Variants in SYT1 observed in about 807,000 individuals in gnomAD.
SYT1 encodes synaptotagmin-1.
A neutral mutation model predicts 44.8 loss-of-function variants in SYT1; 8 were observed. The observed-to-expected ratio is 0.18, with a 90% CI of 0.10 to 0.32. The LOEUF (loss-of-function observed/expected upper bound fraction) is 0.32. Ranked by LOEUF, SYT1 falls within the 10% of genes least tolerant of loss-of-function variation. SYT1 has a pLI of 1.00. For missense variants in SYT1, 286 were observed against 509.3 expected, an observed-to-expected ratio of 0.56 and a Z score of 4.22; for synonymous variants, 154 against 188.8, an observed-to-expected ratio of 0.82 and a Z score of 1.51.
rs113214723 is a variant in SYT1, at chr12:79,436,020, C to T, written c.929-8053C>T. 6.9e-3 allele frequency among the ~76,000 whole-genome samples: 1,053 copies of T among 152,248 alleles called. 9 individuals are homozygous for T. Among genetic ancestry groups the T allele is most frequent in the African/African-American group, 0.016 (678 of 41,546 alleles). Reference sequence around the variant, plus strand: ...CATGTGGACACACTGAGTCATAAGACAGTCTGGGAGAAATATTTCTAGCTG... The same window carrying T: ...CATGTGGACACACTGAGTCATAAGATAGTCTGGGAGAAATATTTCTAGCTG... On this transcript the variant is annotated intron_variant, in intron 9 of 10. Transcript: ENST00000261205.
chr12:79,045,703 C>G (rs1293719304), intron 2 of SYT1: 1 of 152,088 alleles, frequency 6.6e-6, no homozygotes, highest in Non-Finnish European at 1.5e-5. Context: ...ACAAGTTTGC[C>G]CATTCATCCT....
At chr12:79,098,297 T>TAA (rs1878263006) in intron 3 of SYT1, among the ~76,000 whole-genome samples, 1 of 152,064 alleles carries the variant, frequency 6.6e-6, no homozygotes, top group Non-Finnish European at 1.5e-5. Flanking sequence ...TGGCCCCTAA[T>TAA]AATTCTAAGT....
chr12:79,366,097 C>T (rs1485629546), intron 9 of SYT1, among the ~76,000 whole-genome samples: 1 of 152,122 alleles, frequency 6.6e-6, no homozygotes, highest in Non-Finnish European at 1.5e-5. Context: ...GTTGCCAATT[C>T]GTGTATCTAG....
chr12:78,976,576 A>G (rs903421416), intron 1 of SYT1: 1 of 152,206 alleles, frequency 6.6e-6, no homozygotes, highest in Non-Finnish European at 1.5e-5. Flanking sequence ...GCTGTATGGT[A>G]TTATGTATTC....
chr12:79,316,001 C>T (rs9669747), intron 8 of SYT1, among the ~76,000 whole-genome samples: 1,606 of 152,312 alleles, frequency 0.011, 31 homozygotes, highest in African/African-American at 0.036. Flanking sequence ...AGACCTTTTT[C>T]CTACTAACAT....
chr12:78,977,198 T>C (rs1228336247), intron 1 of SYT1, among the ~76,000 whole-genome samples: 1 of 152,182 alleles, frequency 6.6e-6, no homozygotes, highest in Non-Finnish European at 1.5e-5. Context: ...AGAGCTTCCC[T>C]ACCACCCAGA....
intron 2 of SYT1, among the ~76,000 whole-genome samples, chr12:79,026,506 C>T (rs1441592038): frequency 6.6e-6 from 1 of 150,620 alleles, no homozygotes; most frequent in Non-Finnish European, 1.5e-5. Context: ...AAATAAAACA[C>T]TATGCTTTTA....
At chr12:78,915,426 C>T (rs1021779214) in intron 1 of SYT1, among the ~76,000 whole-genome samples, 1 of 151,670 alleles carries the variant, frequency 6.6e-6, no homozygotes, top group African/African-American at 2.4e-5. Flanking sequence ...CTGATAGACT[C>T]GAAGGAGGGT....
At chr12:79,013,307 T>C (rs1442330276) in intron 2 of SYT1, among the ~76,000 whole-genome samples, 1 of 152,116 alleles carries the variant, frequency 6.6e-6, no homozygotes, top group Non-Finnish European at 1.5e-5. Context: ...AAGAAGTGAA[T>C]GAGGGTTTAA....
At chr12:79,236,591 G>T (rs1346042285) in intron 4 of SYT1, among the ~76,000 whole-genome samples, 1 of 152,114 alleles carries the variant, frequency 6.6e-6, no homozygotes, top group Non-Finnish European at 1.5e-5. Context: ...CCACCAAGTG[G>T]TATTACTATA....
chr12:79,272,285 T>C (rs1012786751), intron 4 of SYT1, among the ~76,000 whole-genome samples: 15 of 152,164 alleles, frequency 9.9e-5, no homozygotes, highest in African/African-American at 3.6e-4. Context: ...CTTTGAACAC[T>C]GTGCACAAAA....
At chr12:78,903,531 C>T (rs1051973137) in intron 1 of SYT1, among the ~76,000 whole-genome samples, 10 of 151,908 alleles carry the variant, frequency 6.6e-5, no homozygotes, top group Non-Finnish European at 8.8e-5. Flanking sequence ...GTGATCTGCC[C>T]GCCTCGGCCT....
intron 3 of SYT1, among the ~76,000 whole-genome samples, chr12:79,074,607 A>G (rs755888169): frequency 6.6e-6 from 1 of 152,110 alleles, no homozygotes; most frequent in Non-Finnish European, 1.5e-5. Flanking sequence ...ATCATCCTTC[A>G]TTCTTGAGTT....
intron 9 of SYT1, among the ~76,000 whole-genome samples, chr12:79,360,705 A>G (rs983514748): frequency 3.3e-5 from 5 of 152,214 alleles, no homozygotes; most frequent in African/African-American, 1.2e-4. Context: ...GCTTCATCAT[A>G]ATTTTAGGCA....
intron 9 of SYT1, among the ~76,000 whole-genome samples, chr12:79,385,178 G>T (rs541627866): frequency 1.9e-3 from 286 of 151,790 alleles, no homozygotes; most frequent in African/African-American, 6.5e-3. Flanking sequence ...GTAGAGACAG[G>T]GTTTCACCAT....
chr12:79,240,270 G>T (rs1876425779), intron 4 of SYT1, among the ~76,000 whole-genome samples: 2 of 152,162 alleles, frequency 1.3e-5, no homozygotes, highest in South Asian at 4.1e-4. Context: ...TCTAAATAGT[G>T]TCAATTGGCA....
intron 1 of SYT1, among the ~76,000 whole-genome samples, chr12:78,898,309 T>A (rs1379832976): frequency 6.6e-6 from 1 of 152,078 alleles, no homozygotes; most frequent in African/African-American, 2.4e-5. Context: ...CTTGTTGTTA[T>A]CTTAGATAGG....
At chr12:79,214,042 T>C (rs1234771136) in intron 3 of SYT1, among the ~76,000 whole-genome samples, 1 of 152,244 alleles carries the variant, frequency 6.6e-6, no homozygotes, top group Non-Finnish European at 1.5e-5. Flanking sequence ...ATATGAATTT[T>C]CAAGAACCAA....
chr12:79,183,381 G>A (rs1055235872), intron 3 of SYT1, among the ~76,000 whole-genome samples: 1 of 152,012 alleles, frequency 6.6e-6, no homozygotes, highest in African/African-American at 2.4e-5. Context: ...AACCAGGGAT[G>A]ATACTGCCCC....
Sources: allele counts gnomAD v4.1 joint callset (sites outside exome capture counted in the v4.1 genomes callset), GRCh38; gene constraint gnomAD v4.1.1; transcripts MANE v1.5; gene names NCBI Gene and HGNC (gene_info 2026-07-23, HGNC 2026-07-21).